Variants in TTK observed in about 807,000 individuals in gnomAD.
TTK encodes dual specificity protein kinase TTK.
TTK carries 59 observed loss-of-function variants against 117.3 expected under a neutral mutation model. The observed-to-expected ratio is 0.50, with a 90% CI of 0.41 to 0.62. The LOEUF (loss-of-function observed/expected upper bound fraction) is 0.62, where lower values mean the gene tolerates loss of function less well. TTK is among the 20% of genes least tolerant of loss of function. TTK has a pLI of 0.00. For synonymous variants in TTK, 302 were observed against 325.0 expected (o/e 0.93, Z 0.76); for missense variants, 921 against 989.4 (o/e 0.93, Z 0.93).
intron 16 of TTK, 80 bp from the exon 17 acceptor site, chr6:80,036,395 C>G: frequency 6.8e-7 from 1 of 1,470,298 alleles, no homozygotes; most frequent in South Asian, 1.4e-5. Context: ...ATAAATACAG[C>G]TTGACCTGTA....
intron 11 of TTK, among the ~76,000 whole-genome samples, chr6:80,023,187 T>A (rs948623942): frequency 5.9e-5 from 9 of 152,232 alleles, no homozygotes; most frequent in Non-Finnish European, 1.2e-4. Context: ...CCTTTTATAC[T>A]CTTAATTATC....
intron 5 of TTK, 63 bp from the exon 6 acceptor site, chr6:80,011,371 G>A: frequency 8.8e-7 from 1 of 1,131,588 alleles, no homozygotes; most frequent in Non-Finnish European, 1.2e-6. Context: ...TTATTTGTAA[G>A]ATCACTTTTT....
chr6:80,033,171 C>CTCTG (rs1393207245), intron 14 of TTK, among the ~76,000 whole-genome samples: 1 of 152,180 alleles, frequency 6.6e-6, no homozygotes, highest in African/African-American at 2.4e-5. Context: ...GTAGTATGAG[C>CTCTG]TCTGCTCTAT....
intron 4 of TTK, 80 bp downstream of exon 4, chr6:80,008,572 A>ATT: frequency 7.7e-7 from 1 of 1,294,360 alleles, no homozygotes; most frequent in South Asian, 1.5e-5. Context: ...AATCATATAT[A>ATT]TGAAGTGGAA....
In TTK at chr6:80,035,380, A is replaced by C. The variant is rs1212897510; in HGVS notation, c.1887A>C (p.Lys629Asn). Residue 629 changes from lysine to asparagine, a missense_variant, in exon 16 of 22, where the codon AAA (lysine) becomes AAC (asparagine). Physicochemically the swap from Lys to Asn is moderately conservative, Grantham distance 94. Transcript: ENST00000369798. ...CATGGGAACGCAAGAGTTACTGGAA[A>C]AATATGTTAGAGGCAGTTCACACAA... is the stretch of plus-strand genomic sequence containing the variant. ...IDPWERKSYW[K>N]NMLEAVHTIH... 12 of 1,611,212 alleles carry C rather than the reference A, an allele frequency of 7.4e-6. No individual in the cohort carries two copies. Among genetic ancestry groups the C allele is most frequent in the Non-Finnish European group, 1.0e-5 (12 of 1,178,892 alleles).
chr6:80,022,749 A>G (rs890143988), intron 11 of TTK, among the ~76,000 whole-genome samples: 1 of 152,188 alleles, frequency 6.6e-6, no homozygotes, highest in Non-Finnish European at 1.5e-5. Context: ...TTGTGTAAAT[A>G]AAGACTTACT....
At chr6:80,022,629 A>T (rs1012960382) in intron 11 of TTK, among the ~76,000 whole-genome samples, 157 bp downstream of exon 11, 1 of 152,266 alleles carries the variant, frequency 6.6e-6, no homozygotes, top group Non-Finnish European at 1.5e-5. Context: ...AGTGGTGATC[A>T]GTAGCAGTCA....
chr6:80,039,592 T>G, intron 18 of TTK, 104 bp from the exon 19 acceptor site: 14 of 857,116 alleles, frequency 1.6e-5, no homozygotes, highest in Non-Finnish European at 2.1e-5. Context: ...ACACATTCAT[T>G]GAGATTTAAT....
Position 80,036,873 on chromosome 6 carries a change from G to A in TTK, c.2049+274G>A, listed in dbSNP as rs6906768. On this transcript the variant is annotated intron_variant, in intron 17 of 21. Coordinates refer to ENST00000369798, the MANE Select transcript of TTK (RefSeq NM_003318.5). The stretch of plus-strand genomic sequence containing the variant: ...TACCTTCCTTGGAAATCACTTGGTC[G>A]TGATCAAAAATTGACCTGAAAATTT... Among the ~76,000 whole-genome samples the A allele has an allele frequency of 8.4e-3, 1,277 of 152,136 alleles. 17 individuals carry two copies. Among genetic ancestry groups the A allele is most frequent in the African/African-American group, 0.029 (1,214 of 41,536 alleles).
chr6:80,025,226 T>G lies in TTK; in HGVS notation c.1258-1152T>G, dbSNP rs80335897. On this transcript the variant is annotated intron_variant, in intron 11 of 21. Coordinates refer to ENST00000369798, the MANE Select transcript of TTK (RefSeq NM_003318.5). ...TCATTAATCTTATTACAGCAGTTCCTCAGTAACATCTTTACCACTAATCTT... is the reference window on the plus strand; with the variant it reads ...TCATTAATCTTATTACAGCAGTTCCGCAGTAACATCTTTACCACTAATCTT... Among the ~76,000 whole-genome samples the G allele has an allele frequency of 3.5e-4, 53 of 152,356 alleles. 1 individual carries two copies. In the East Asian group the frequency reaches 0.01, roughly 29 times the overall value.
chr6:80,014,339 A>G (rs1016690285), intron 9 of TTK, 124 bp from the exon 10 acceptor site: 3 of 762,764 alleles, frequency 3.9e-6, no homozygotes, highest in Admixed American at 3.9e-5. Context: ...GAGTCTACAT[A>G]TAATTATAAT....
Position 80,014,526 on chromosome 6 carries a change from A to G in TTK, c.1048A>G (p.Ile350Val). Residue 350 changes from isoleucine to valine, a missense_variant, in exon 10 of 22, where the codon ATT becomes GTT. Physicochemically the swap from Ile to Val is conservative, Grantham distance 29 (BLOSUM62 3). Transcript: ENST00000369798. ...VSDEKSSELI[I>V]TDSITLKNKT... Reference sequence around the variant, plus strand: ...AGATGAAAAGAGTTCTGAACTTATTATTACTGATTCAATAACCCTGAAGAA... The same window carrying G: ...AGATGAAAAGAGTTCTGAACTTATTGTTACTGATTCAATAACCCTGAAGAA... 6.2e-7 allele frequency: 1 copy of G among 1,610,078 alleles called. No homozygotes were observed. The highest frequency in any genetic ancestry group is 8.5e-7 in the Non-Finnish European group (1 of 1,177,828).
At chr6:80,041,871 T>A (rs1190114459) in intron 21 of TTK, among the ~76,000 whole-genome samples, 4 of 151,658 alleles carry the variant, frequency 2.6e-5, no homozygotes, top group Non-Finnish European at 5.9e-5. Flanking sequence ...TATGTATGTT[T>A]ATTAGTAGCT....
Position 80,039,852 on chromosome 6 carries a change from G to C in TTK, c.2287G>C (p.Asp763His). 6.4e-7 allele frequency: 1 copy of C among 1,573,970 alleles called. No individual in the cohort carries two copies. The highest frequency in any genetic ancestry group is 1.2e-5 in the South Asian group (1 of 82,098). ...TGAATTTCCCGATATTCCAGAGAAAGATCTTCAAGATGTGTTAAAGGTAAT... is the reference window on the plus strand; with the variant it reads ...TGAATTTCCCGATATTCCAGAGAAACATCTTCAAGATGTGTTAAAGGTAAT... Reference protein sequence around the residue: ...EIEFPDIPEKDLQDVLKCCLK... With the variant: ...EIEFPDIPEKHLQDVLKCCLK... Residue 763 changes from aspartate (D) to histidine (H), a missense_variant, in exon 19 of 22, where the codon GAT becomes CAT. Coordinates refer to ENST00000369798, the MANE Select transcript of TTK (RefSeq NM_003318.5).
intron 6 of TTK, 45 bp downstream of exon 6, chr6:80,011,593 G>GTACATCTGTGTTTTTTAATGTAAT (rs745374263): frequency 3.8e-6 from 6 of 1,559,052 alleles, no homozygotes; most frequent in Non-Finnish European, 5.3e-6. Context: ...TTCTATGTAA[G>GTACATCTGTGTTTTTTAATGTAAT]TACATCTGTG....
At chr6:80,038,353 C>T (rs938488175) in intron 18 of TTK, among the ~76,000 whole-genome samples, 1 of 152,076 alleles carries the variant, frequency 6.6e-6, no homozygotes, top group Admixed American at 6.6e-5. Flanking sequence ...GCCCTTTGTC[C>T]GGGGCTCCTT....
chr6:80,039,591 T>C (rs1767992334), intron 18 of TTK, 105 bp from the exon 19 acceptor site: 1 of 848,634 alleles, frequency 1.2e-6, no homozygotes, highest in Non-Finnish European at 1.6e-6. Flanking sequence ...TACACATTCA[T>C]TGAGATTTAA....
intron 16 of TTK, 88 bp from the exon 17 acceptor site, chr6:80,036,386 TA>T: frequency 6.9e-7 from 1 of 1,444,732 alleles, no homozygotes. Context: ...ATTGAAGGAA[TA>T]AATACAGCTT....
chr6:80,007,124 C>A (rs1767013237), intron 2 of TTK, among the ~76,000 whole-genome samples: 1 of 152,010 alleles, frequency 6.6e-6, no homozygotes, highest in Non-Finnish European at 1.5e-5. Flanking sequence ...GTTGGGGTTC[C>A]ACAGAGAGAA....
Sources: allele counts gnomAD v4.1 joint callset (sites outside exome capture counted in the v4.1 genomes callset), GRCh38; gene constraint gnomAD v4.1.1; transcripts MANE v1.5; gene names NCBI Gene and HGNC (gene_info 2026-07-23, HGNC 2026-07-21).